REEP3: variants seen among roughly 807,000 people sequenced by gnomAD.
REEP3 encodes receptor expression-enhancing protein 3.
In REEP3, 20 loss-of-function variants were observed where a neutral mutation model predicts 41.3. The observed-to-expected ratio is 0.48, with a 90% CI of 0.34 to 0.70. The LOEUF is 0.70. Ranked by LOEUF, REEP3 falls within the 30% of genes least tolerant of loss-of-function variation. The pLI, the probability that REEP3 is intolerant of heterozygous loss-of-function variation, is 0.01. For missense variants in REEP3, 271 were observed against 308.8 expected, an observed-to-expected ratio of 0.88 and a Z score of 0.92; for synonymous variants, 104 against 101.8, an observed-to-expected ratio of 1.02 and a Z score of -0.13.
At chr10:63,549,438 C>T (rs1358104951) in intron 1 of REEP3, among the ~76,000 whole-genome samples, 4 of 152,154 alleles carry the variant, frequency 2.6e-5, no homozygotes, top group Non-Finnish European at 4.4e-5. Context: ...CATGGTGGCC[C>T]TCGCCTGTCA....
At chr10:63,619,014 TCA>T (rs1956333017) in intron 6 of REEP3, among the ~76,000 whole-genome samples, 1 of 152,244 alleles carries the variant, frequency 6.6e-6, no homozygotes, top group African/African-American at 2.4e-5. Context: ...CTAGTATCTG[TCA>T]CACAGTCTGT....
At chr10:63,597,666 C>T (rs1956127396) in intron 3 of REEP3, among the ~76,000 whole-genome samples, 1 of 152,196 alleles carries the variant, frequency 6.6e-6, no homozygotes, top group Non-Finnish European at 1.5e-5. Context: ...AATCCCACCA[C>T]TTTGGGAGGC....
At chr10:63,543,776 C>G (rs1217648040) in intron 1 of REEP3, among the ~76,000 whole-genome samples, 1 of 152,082 alleles carries the variant, frequency 6.6e-6, no homozygotes, top group African/African-American at 2.4e-5. Flanking sequence ...ACACAGAGAC[C>G]ACAAACGGGA....
intron 2 of REEP3, among the ~76,000 whole-genome samples, chr10:63,591,193 C>T (rs1211285780): frequency 6.7e-6 from 1 of 150,196 alleles, no homozygotes; most frequent in African/African-American, 2.4e-5. Flanking sequence ...AAACAGCAGG[C>T]TGAATGGCCT....
chr10:63,539,375 A>G (rs945583237), intron 1 of REEP3, among the ~76,000 whole-genome samples: 2 of 152,240 alleles, frequency 1.3e-5, no homozygotes, highest in Non-Finnish European at 2.9e-5. Flanking sequence ...GTAATTTAAA[A>G]TTATAGCTTT....
intron 2 of REEP3, among the ~76,000 whole-genome samples, chr10:63,577,917 T>C (rs1319638324): frequency 6.6e-6 from 1 of 152,170 alleles, no homozygotes; most frequent in Non-Finnish European, 1.5e-5. Context: ...TTCTCTTCTA[T>C]ATTCTTCTGA....
chr10:63,615,842 G>T (rs1247152552), intron 6 of REEP3, among the ~76,000 whole-genome samples: 1 of 152,142 alleles, frequency 6.6e-6, no homozygotes, highest in Non-Finnish European at 1.5e-5. Context: ...ACCACACCCA[G>T]CCTAAACTTG....
chr10:63,571,718 G>T (rs1001566721), intron 2 of REEP3, among the ~76,000 whole-genome samples: 6 of 152,168 alleles, frequency 3.9e-5, no homozygotes, highest in African/African-American at 1.4e-4. Flanking sequence ...AGGGGAGAGA[G>T]GGCATTTTTC....
intron 5 of REEP3, among the ~76,000 whole-genome samples, chr10:63,605,088 C>CA (rs1235955076): frequency 1.3e-5 from 2 of 151,932 alleles, no homozygotes; most frequent in African/African-American, 4.8e-5. Context: ...AATTATCTAA[C>CA]AAAAAATAGC....
intron 5 of REEP3, among the ~76,000 whole-genome samples, chr10:63,608,694 G>T (rs74725341): frequency 2.6e-5 from 4 of 152,092 alleles, no homozygotes; most frequent in African/African-American, 9.7e-5. Context: ...GGTAAATTTA[G>T]AATTTTTTTT....
At chr10:63,557,667 C>T (rs1465663921) in intron 1 of REEP3, among the ~76,000 whole-genome samples, 1 of 152,170 alleles carries the variant, frequency 6.6e-6, no homozygotes, top group East Asian at 1.9e-4. Flanking sequence ...ACACTGACTA[C>T]TACATTTTAA....
intron 2 of REEP3, among the ~76,000 whole-genome samples, chr10:63,580,135 G>T (rs938397873): frequency 6.6e-6 from 1 of 152,008 alleles, no homozygotes; most frequent in Admixed American, 6.6e-5. Flanking sequence ...TGTTGTTGTT[G>T]TTGTTGTTGT....
chr10:63,602,440 C>T (rs1956181075), intron 5 of REEP3, among the ~76,000 whole-genome samples: 1 of 152,122 alleles, frequency 6.6e-6, no homozygotes, highest in Non-Finnish European at 1.5e-5. Flanking sequence ...TATTTACACC[C>T]AATGAAGATG....
chr10:63,577,559 G>A (rs370490088), intron 2 of REEP3, among the ~76,000 whole-genome samples: 82 of 152,036 alleles, frequency 5.4e-4, no homozygotes, highest in South Asian at 2.3e-3. Flanking sequence ...CAGTAGCTGC[G>A]ACTACAGGCA....
At chr10:63,523,479 A>G (rs981004408) in intron 1 of REEP3, among the ~76,000 whole-genome samples, 10 of 152,158 alleles carry the variant, frequency 6.6e-5, no homozygotes, top group Admixed American at 4.6e-4. Context: ...CAAAAAAAGA[A>G]AAATTTAATT....
At chr10:63,564,922 A>G (rs1002199487) in intron 1 of REEP3, among the ~76,000 whole-genome samples, 1 of 152,240 alleles carries the variant, frequency 6.6e-6, no homozygotes, top group Non-Finnish European at 1.5e-5. Context: ...AATTGTTTAC[A>G]TAAAGTAAAG....
intron 1 of REEP3, among the ~76,000 whole-genome samples, chr10:63,547,355 T>C (rs919595485): frequency 1.3e-5 from 2 of 152,050 alleles, no homozygotes; most frequent in African/African-American, 2.4e-5. Flanking sequence ...AAAGACACCA[T>C]TGAGAGTGAA....
chr10:63,593,625 G>A (rs1039998093), intron 2 of REEP3, among the ~76,000 whole-genome samples: 2 of 152,120 alleles, frequency 1.3e-5, no homozygotes, highest in East Asian at 1.9e-4. Flanking sequence ...GATTTTAATC[G>A]TACGTGAAAC....
chr10:63,618,572 C>A (rs1956330336), intron 6 of REEP3, among the ~76,000 whole-genome samples: 1 of 152,152 alleles, frequency 6.6e-6, no homozygotes, highest in Non-Finnish European at 1.5e-5. Flanking sequence ...CTAATCTCAC[C>A]CCTTTCTTTA....
Sources: allele counts gnomAD v4.1 joint callset (sites outside exome capture counted in the v4.1 genomes callset), GRCh38; gene constraint gnomAD v4.1.1; transcripts MANE v1.5; gene names NCBI Gene and HGNC (gene_info 2026-07-23, HGNC 2026-07-21).